The following BABAM2 variants were observed in gnomAD, a reference collection of about 807,000 sequenced individuals.
The protein encoded by BABAM2 is BRISC and BRCA1 A complex member 2, also known as BRISC and BRCA1-A complex member 2.
A neutral mutation model predicts 54.7 loss-of-function variants in BABAM2; 31 were observed. The observed-to-expected ratio is 0.57, with a 90% confidence interval of 0.43 to 0.77. BABAM2 has a LOEUF of 0.77. Ranked by LOEUF, BABAM2 falls within the 30% of genes least tolerant of loss-of-function variation. The pLI is 0.00. For synonymous variants in BABAM2, 167 were observed against 162.9 expected, an observed-to-expected ratio of 1.03 and a Z score of -0.19; for missense variants, 364 against 455.8, an observed-to-expected ratio of 0.80 and a Z score of 1.83.
At chr2:27,983,197 TC>T (rs1476037019) in intron 3 of BABAM2, among the ~76,000 whole-genome samples, 1 of 152,044 alleles carries the variant, frequency 6.6e-6, no homozygotes, top group Non-Finnish European at 1.5e-5. Flanking sequence ...TGATAGTAGC[TC>T]TTCTAATGAG....
intron 4 of BABAM2, among the ~76,000 whole-genome samples, chr2:28,024,103 G>T (rs915892279): frequency 4.6e-5 from 7 of 152,240 alleles, no homozygotes; most frequent in African/African-American, 1.7e-4. Context: ...AACAACGACA[G>T]TTCACTTAAG....
At chr2:28,289,953 C>A (rs1218549302) in intron 10 of BABAM2, among the ~76,000 whole-genome samples, 9 of 152,164 alleles carry the variant, frequency 5.9e-5, no homozygotes, top group African/African-American at 2.2e-4. Context: ...TTTTCCCCAC[C>A]CACAGAGGTA....
chr2:28,001,764 G>T (rs998864291), intron 4 of BABAM2, among the ~76,000 whole-genome samples: 14 of 152,032 alleles, frequency 9.2e-5, no homozygotes, highest in Non-Finnish European at 1.8e-4. Flanking sequence ...GAGGAGGGGG[G>T]TGCTACACTT....
intron 6 of BABAM2, among the ~76,000 whole-genome samples, chr2:28,046,349 A>C (rs1264741104): frequency 6.6e-6 from 1 of 152,028 alleles, no homozygotes; most frequent in Non-Finnish European, 1.5e-5. Context: ...AATCCCAGCT[A>C]CTCGGGAGAC....
chr2:28,253,171 A>G (rs1414029671), intron 10 of BABAM2, among the ~76,000 whole-genome samples: 1 of 152,132 alleles, frequency 6.6e-6, no homozygotes, highest in Non-Finnish European at 1.5e-5. Flanking sequence ...TGGGTGGCCA[A>G]AGCGGATGGA....
intron 11 of BABAM2, among the ~76,000 whole-genome samples, chr2:28,318,196 C>T (rs1165789448): frequency 6.6e-6 from 1 of 152,186 alleles, no homozygotes; most frequent in South Asian, 2.1e-4. Context: ...TCCAAATGAC[C>T]CTGACTGTGA....
At chr2:28,183,500 T>C (rs1473973464) in intron 7 of BABAM2, among the ~76,000 whole-genome samples, 2 of 152,162 alleles carry the variant, frequency 1.3e-5, no homozygotes, top group African/African-American at 2.4e-5. Flanking sequence ...CATATAATAG[T>C]GAGGCCTGAA....
At chr2:27,923,913 A>C (rs1402643398) in intron 2 of BABAM2, among the ~76,000 whole-genome samples, 1 of 152,200 alleles carries the variant, frequency 6.6e-6, no homozygotes, top group East Asian at 1.9e-4. Context: ...TTGAAGCTTC[A>C]GTGAGCTGTG....
intron 11 of BABAM2, among the ~76,000 whole-genome samples, chr2:28,310,808 G>C (rs187321170): frequency 3.3e-5 from 5 of 151,912 alleles, no homozygotes; most frequent in Admixed American, 2.6e-4. Context: ...CACTTGAACC[G>C]GGGAGGCAGA....
chr2:28,015,547 G>GA (rs1674737957), intron 4 of BABAM2, among the ~76,000 whole-genome samples: 2 of 152,206 alleles, frequency 1.3e-5, no homozygotes, highest in South Asian at 4.1e-4. Context: ...CACTGGAAGA[G>GA]AAAAAAATAG....
intron 7 of BABAM2, among the ~76,000 whole-genome samples, chr2:28,141,405 T>C (rs13023955): frequency 0.25 from 37,467 of 152,180 alleles, 5,493 homozygotes; most frequent in East Asian, 0.55. Context: ...TTCATATTTA[T>C]TGATATTTGC....
intron 3 of BABAM2, among the ~76,000 whole-genome samples, chr2:27,960,749 G>A (rs1670407914): frequency 6.6e-6 from 1 of 152,162 alleles, no homozygotes; most frequent in South Asian, 2.1e-4. Context: ...AAATAACTGG[G>A]AGATCAGGGA....
intron 11 of BABAM2, among the ~76,000 whole-genome samples, chr2:28,321,572 C>T (rs1428776626): frequency 2.6e-5 from 4 of 152,076 alleles, no homozygotes; most frequent in Admixed American, 6.5e-5. Context: ...GTTCATACTG[C>T]GCAGGTTTTA....
chr2:28,261,898 C>T (rs901675693), intron 10 of BABAM2, among the ~76,000 whole-genome samples: 14 of 151,860 alleles, frequency 9.2e-5, no homozygotes, highest in South Asian at 4.2e-4. Flanking sequence ...TGCTTTGGTT[C>T]CGGTACTGTC....
At chr2:27,963,307 T>C (rs1291113389) in intron 3 of BABAM2, among the ~76,000 whole-genome samples, 1 of 151,686 alleles carries the variant, frequency 6.6e-6, no homozygotes, top group South Asian at 2.1e-4. Context: ...CCGTGTCTAC[T>C]AAAAATACAG....
At position 28,181,450 on chromosome 2, in the gene BABAM2, A is replaced by G. The variant is rs189734459; in HGVS notation, c.680+52070A>G. On this transcript the variant is annotated intron_variant, in intron 7 of 11. Coordinates refer to ENST00000379624, the MANE Select transcript of BABAM2 (RefSeq NM_199191.3). ...TCTCATGGAGGTAGAGAGTAGAATA[A>G]TGGGTACAAACATATAGTTAGAAGG... Among the ~76,000 whole-genome samples, 336 of 152,298 alleles carry G rather than the reference A, an allele frequency of 2.2e-3. 2 individuals are homozygous for G. Among genetic ancestry groups the G allele is most frequent in the African/African-American group, 7.6e-3 (317 of 41,572 alleles).
rs371529587 is a variant in BABAM2 at position 28,173,294 on chromosome 2, C to T, written c.680+43914C>T. Reference sequence around the variant, plus strand: ...TTTACTTTTGGCAAAAACTGACTAACCACATATAAATAAGTGATTTTATTT... The same window carrying T: ...TTTACTTTTGGCAAAAACTGACTAATCACATATAAATAAGTGATTTTATTT... On this transcript the variant is annotated intron_variant, in intron 7 of 11. Transcript: ENST00000379624. 2.6e-5 allele frequency among the ~76,000 whole-genome samples: 4 copies of T among 152,302 alleles called. No individual in the cohort carries two copies. In the South Asian group the frequency reaches 8.3e-4, roughly 32 times the overall value.
At chr2:28,073,087 T>C (rs1478413484) in intron 6 of BABAM2, among the ~76,000 whole-genome samples, 1 of 152,236 alleles carries the variant, frequency 6.6e-6, no homozygotes, top group African/African-American at 2.4e-5. Flanking sequence ...CTGCCGTTTA[T>C]CAGTAGGACT....
At chr2:28,009,954 G>A (rs1010946845) in intron 4 of BABAM2, among the ~76,000 whole-genome samples, 8 of 152,114 alleles carry the variant, frequency 5.3e-5, no homozygotes, top group Admixed American at 4.6e-4. Flanking sequence ...TCAAGTGGAG[G>A]AAAGGTAAAA....
Sources: gnomAD v4.1 joint callset for allele counts (sites outside exome capture counted in the v4.1 genomes callset) on GRCh38, gnomAD v4.1.1 for gene constraint, MANE v1.5 for transcripts, NCBI Gene and HGNC (gene_info 2026-07-23, HGNC 2026-07-21) for gene names.